Variants in DPH6 observed in about 807,000 individuals in gnomAD.
The protein encoded by DPH6 is diphthine--ammonia ligase.
DPH6 carries 33 observed loss-of-function variants against 38.2 expected under a neutral mutation model. That is an observed-to-expected ratio of 0.86 (90% confidence interval 0.65 to 1.15). The LOEUF (loss-of-function observed/expected upper bound fraction) is 1.15, where lower values mean the gene tolerates loss of function less well. Ranked by LOEUF, DPH6 falls within the 50% of genes most tolerant of loss-of-function variation. The pLI is 0.00. For missense variants in DPH6, 325 were observed against 320.0 expected (o/e 1.02, Z -0.12); for synonymous variants, 108 against 103.0 (o/e 1.05, Z -0.30).
chr15:35,487,596 C>T (rs1196326421), intron 3 of DPH6, among the ~76,000 whole-genome samples: 1 of 152,236 alleles, frequency 6.6e-6, no homozygotes. Flanking sequence ...AGCAGTGGGG[C>T]AGTAGGCCTG....
At chr15:35,184,222 G>A in the DPH6 span, among the ~76,000 whole-genome samples, 1 of 152,136 alleles carries the variant, frequency 6.6e-6, no homozygotes, top group Non-Finnish European at 1.5e-5. Context: ...ATTCAGTTTT[G>A]CGATGGTTTC....
Position 35,391,856 on chromosome 15 carries a change from C to T in DPH6, c.568-9940G>A, listed in dbSNP as rs577155936. On this transcript the variant is annotated intron_variant, in intron 6 of 8. Transcript: ENST00000256538. ...TGCACTGCACCCACTGTCCTGCACC[C>T]GCTGTCCGGCACTCCTCAGTGAGAG... Among the ~76,000 whole-genome samples, 82 of 152,296 alleles carry T rather than the reference C, an allele frequency of 5.4e-4. 1 individual carries two copies. The highest frequency in any genetic ancestry group is 1.7e-3 in the African/African-American group (70 of 41,558).
At chr15:35,470,448 C>A (rs10851975) in intron 3 of DPH6, among the ~76,000 whole-genome samples, 130,674 of 152,170 alleles carry the variant, frequency 0.86, 56,273 homozygotes, top group East Asian at 0.96. Flanking sequence ...TAATAAATTG[C>A]TGTTGACGGG....
At chr15:35,398,324 C>T (rs2053172735) in intron 6 of DPH6, among the ~76,000 whole-genome samples, 1 of 152,178 alleles carries the variant, frequency 6.6e-6, no homozygotes, top group Admixed American at 6.5e-5. Flanking sequence ...GGAAACCAAC[C>T]TTGTGATTAG....
At chr15:35,170,865 G>A in the DPH6 span, among the ~76,000 whole-genome samples, 1 of 152,148 alleles carries the variant, frequency 6.6e-6, no homozygotes, top group Non-Finnish European at 1.5e-5. Context: ...TCTCTCTGAT[G>A]AGCACAAATG....
chr15:35,452,827 T>C (rs551568098), intron 4 of DPH6, among the ~76,000 whole-genome samples: 1 of 152,338 alleles, frequency 6.6e-6, no homozygotes, highest in African/African-American at 2.4e-5. Flanking sequence ...GTAAGTTTAT[T>C]TGAGCCATGA....
At chr15:35,426,195 C>T (rs2053568962) in intron 5 of DPH6, among the ~76,000 whole-genome samples, 1 of 151,474 alleles carries the variant, frequency 6.6e-6, no homozygotes, top group African/African-American at 2.4e-5. Flanking sequence ...TTCGATGTTT[C>T]AATACTTCAG....
At position 35,268,200 on chromosome 15, in the gene DPH6, TAAATA is replaced by T. The variant is rs752334061; in HGVS notation, n.201-47623_201-47619del. 3.1e-3 allele frequency among the ~76,000 whole-genome samples: 463 copies of T among 149,394 alleles called. 3 individuals are homozygous for T. Among genetic ancestry groups the T allele is most frequent in the Non-Finnish European group, 4.3e-3 (290 of 67,480 alleles). The stretch of plus-strand genomic sequence containing the variant: ...ATAAATAAATAAATAAATAAATAAA[TAAATA>T]AATAAATAAATAAAAGAAAACTGAA... On this transcript the variant is annotated intron_variant and non_coding_transcript_variant, in intron 3 of 3. Transcript: ENST00000560386.
At chr15:35,520,264 A>T in intron 3 of DPH6, 1 of 940,138 alleles carries the variant, frequency 1.1e-6, no homozygotes, top group Non-Finnish European at 1.3e-6. Flanking sequence ...ATCAAAACTG[A>T]AATCCTCGCC....
intron 3 of DPH6, among the ~76,000 whole-genome samples, chr15:35,285,135 T>C (rs942667716): frequency 6.6e-6 from 1 of 152,140 alleles, no homozygotes; most frequent in African/African-American, 2.4e-5. Flanking sequence ...TTGGGATGCA[T>C]TTGAGATATC....
the DPH6 span, among the ~76,000 whole-genome samples, chr15:35,200,195 G>T: frequency 3.3e-5 from 5 of 152,074 alleles, no homozygotes; most frequent in Admixed American, 6.6e-5. Flanking sequence ...GGAACAATAC[G>T]TGGTGTTATA....
At chr15:35,466,456 C>T (rs2054127670) in intron 3 of DPH6, among the ~76,000 whole-genome samples, 1 of 151,976 alleles carries the variant, frequency 6.6e-6, no homozygotes, top group South Asian at 2.1e-4. Flanking sequence ...TCTAAGCTGT[C>T]CTTTGATTAG....
intron 3 of DPH6, among the ~76,000 whole-genome samples, chr15:35,536,129 G>GA (rs1287181789): frequency 1.3e-5 from 2 of 151,872 alleles, no homozygotes; most frequent in Non-Finnish European, 2.9e-5. Flanking sequence ...AGACAAACTT[G>GA]AAAAATTATA....
intron 3 of DPH6, among the ~76,000 whole-genome samples, chr15:35,354,885 T>A (rs2052545980): frequency 6.6e-6 from 1 of 152,172 alleles, no homozygotes; most frequent in Non-Finnish European, 1.5e-5. Flanking sequence ...GACAGTGAGG[T>A]GTTAAAGTCT....
At chr15:35,393,382 A>G (rs959698878) in intron 6 of DPH6, among the ~76,000 whole-genome samples, 3 of 152,242 alleles carry the variant, frequency 2.0e-5, no homozygotes, top group African/African-American at 7.2e-5. Flanking sequence ...GAAAAGCAGA[A>G]AAGCATACAA....
chr15:35,339,937 T>C (rs750173531), intron 3 of DPH6, among the ~76,000 whole-genome samples: 3 of 152,142 alleles, frequency 2.0e-5, no homozygotes, highest in Non-Finnish European at 2.9e-5. Flanking sequence ...GCTATCATTG[T>C]TAATTTTCTG....
At position 35,473,642 on chromosome 15, in the gene DPH6, A is replaced by C. The variant is rs539053941; in HGVS notation, c.313-18822T>G. Among the ~76,000 whole-genome samples, 4 of 152,264 alleles carry C rather than the reference A, an allele frequency of 2.6e-5. No homozygotes were observed. In the East Asian group the frequency reaches 7.7e-4, roughly 29 times the overall value. Reference sequence around the variant, plus strand: ...TATCACAATTATTTATTAAAATTGCAAACGCTACTCTCTTAGGCCCATAAA... The same window carrying C: ...TATCACAATTATTTATTAAAATTGCCAACGCTACTCTCTTAGGCCCATAAA... On this transcript the variant is annotated intron_variant, in intron 3 of 8. Coordinates refer to ENST00000256538, the MANE Select transcript of DPH6 (RefSeq NM_080650.4).
chr15:35,358,571 G>A (rs1464290414), intron 3 of DPH6, among the ~76,000 whole-genome samples: 1 of 152,124 alleles, frequency 6.6e-6, no homozygotes, highest in African/African-American at 2.4e-5. Flanking sequence ...TGTCCCATGG[G>A]GTGTTCCTTT....
chr15:35,503,914 C>T (rs542487112), intron 3 of DPH6, among the ~76,000 whole-genome samples: 12 of 152,118 alleles, frequency 7.9e-5, no homozygotes, highest in South Asian at 2.1e-4. Flanking sequence ...AGTTATTTTC[C>T]GCTACGAAAT....
Sources: allele counts gnomAD v4.1 joint callset (sites outside exome capture counted in the v4.1 genomes callset), GRCh38; gene constraint gnomAD v4.1.1; transcripts MANE v1.5; gene names NCBI Gene and HGNC (gene_info 2026-07-23, HGNC 2026-07-21).